The following FAM131B variants were observed in gnomAD, a reference collection of about 807,000 sequenced individuals.
FAM131B encodes family with sequence similarity 131 member B, also known as protein FAM131B.
FAM131B carries 19 observed loss-of-function variants against 42.0 expected under a neutral mutation model. That is an observed-to-expected ratio of 0.45 (90% confidence interval 0.32 to 0.66). The LOEUF (loss-of-function observed/expected upper bound fraction) is 0.66. Ranked by LOEUF, FAM131B falls within the 30% of genes least tolerant of loss-of-function variation. FAM131B has a pLI of 0.05. For missense variants in FAM131B, 370 were observed against 468.4 expected (o/e 0.79, Z 1.94); for synonymous variants, 183 against 177.6 (o/e 1.03, Z -0.24).
chr7:143,381,220 G>A, the FAM131B span: 3 of 1,004,824 alleles, frequency 3.0e-6, no homozygotes, highest in Non-Finnish European at 3.6e-6. Flanking sequence ...CGCTCTCCCC[G>A]CCCCCTCTCC....
chr7:143,382,248 A>G, the FAM131B span: 55 of 1,612,020 alleles, frequency 3.4e-5, 1 homozygote, highest in South Asian at 4.7e-4. Context: ...CCTACCCCAG[A>G]CTTTCCCCTG....
the FAM131B span, among the ~76,000 whole-genome samples, chr7:143,378,175 C>G: frequency 1.3e-5 from 2 of 152,254 alleles, no homozygotes; most frequent in African/African-American, 4.8e-5. Flanking sequence ...GAGTGAACCT[C>G]TATCCATCTG....
In FAM131B at chr7:143,359,796, A is replaced by T; in HGVS notation, c.139-29T>A. On this transcript the variant is annotated intron_variant, in intron 2 of 6. Coordinates refer to ENST00000443739, the MANE Select transcript of FAM131B (RefSeq NM_001031690.3). This position sits in a 1 kb window ranked among gnomAD's most constrained non-coding sequence, Gnocchi z 5.4. The stretch of plus-strand genomic sequence containing the variant: ...TGAGGAGAGAGGAAAGGGAATGGGC[A>T]TCCCAGTCACTCGCAGGAATGCAAG... 2 of 1,556,182 alleles carry T rather than the reference A, an allele frequency of 1.3e-6. No homozygotes were observed. Among genetic ancestry groups the T allele is most frequent in the Non-Finnish European group, 1.7e-6 (2 of 1,149,498 alleles).
upstream of FAM131B, among the ~76,000 whole-genome samples, chr7:143,365,102 A>G (rs1158144385): frequency 6.6e-6 from 1 of 152,232 alleles, no homozygotes; most frequent in Non-Finnish European, 1.5e-5. Flanking sequence ...AGGTCTATGA[A>G]AAGATTCAAT....
At chr7:143,381,068 G>A in the FAM131B span, 11 of 395,342 alleles carry the variant, frequency 2.8e-5, no homozygotes, top group Non-Finnish European at 3.1e-5. Flanking sequence ...CCTGTGCTCA[G>A]GGAGTGGGGG....
chr7:143,382,207 T>C, the FAM131B span: 3 of 1,555,890 alleles, frequency 1.9e-6, no homozygotes, highest in Admixed American at 3.4e-5. Flanking sequence ...GGGTGAGGGG[T>C]AGAGGGACCC....
At position 143,358,609 on chromosome 7, in the gene FAM131B, A is replaced by C. The variant is rs772615179; in HGVS notation, c.466+218T>G. Among the ~76,000 whole-genome samples, 10 of 152,204 alleles carry C rather than the reference A, an allele frequency of 6.6e-5. No individual in the cohort carries two copies. The highest frequency in any genetic ancestry group is 1.3e-4 in the Admixed American group (2 of 15,284). On this transcript the variant is annotated intron_variant, in intron 5 of 6. Transcript: ENST00000443739. The surrounding 1 kb of genome is among the most constrained non-coding windows in gnomAD (Gnocchi z 4.7). Reference sequence around the variant, plus strand: ...GGCATCTGGGATGGGTGGACCCACAAATCCCATCTAATTACACGCATTTTC... The same window carrying C: ...GGCATCTGGGATGGGTGGACCCACACATCCCATCTAATTACACGCATTTTC...
intron 5 of FAM131B, among the ~76,000 whole-genome samples, chr7:143,357,685 T>G (rs1454978768): frequency 6.6e-6 from 1 of 152,214 alleles, no homozygotes; most frequent in East Asian, 1.9e-4. Context: ...TAATGAGATA[T>G]TTTACATTCT....
chr7:143,378,569 G>T, the FAM131B span, among the ~76,000 whole-genome samples: 1 of 112,368 alleles, frequency 8.9e-6, no homozygotes, highest in Admixed American at 1.3e-4. Context: ...TTCATTTCCT[G>T]CATTTTTTTT....
the FAM131B span, chr7:143,381,927 G>A: frequency 1.2e-6 from 1 of 841,598 alleles, no homozygotes; most frequent in Non-Finnish European, 1.8e-6. Context: ...ACCTCATCGT[G>A]GAGCTCGTGG....
At chr7:143,375,246 T>G in the FAM131B span, among the ~76,000 whole-genome samples, 5 of 152,182 alleles carry the variant, frequency 3.3e-5, no homozygotes, top group Admixed American at 3.3e-4. Flanking sequence ...ACACAGCAAA[T>G]GCACTGTGCT....
chr7:143,380,121 A>C, the FAM131B span: 1 of 985,150 alleles, frequency 1.0e-6, no homozygotes, highest in Non-Finnish European at 1.2e-6. This position sits in a 1 kb window ranked among gnomAD's most constrained non-coding sequence, Gnocchi z 5.0. Context: ...TGACAAGAGG[A>C]GAGAAAATGA....
the FAM131B span, chr7:143,382,199 G>T: frequency 6.6e-7 from 1 of 1,506,326 alleles, no homozygotes. Context: ...GGGAGCTTGG[G>T]TGAGGGGTAG....
upstream of FAM131B, among the ~76,000 whole-genome samples, chr7:143,366,456 T>C (rs1023891736): frequency 2.0e-5 from 3 of 152,150 alleles, no homozygotes; most frequent in Non-Finnish European, 4.4e-5. Flanking sequence ...ATACCCTATT[T>C]GCTAAAGGCC....
chr7:143,365,683 C>T (rs1008074472), upstream of FAM131B, among the ~76,000 whole-genome samples: 1 of 152,178 alleles, frequency 6.6e-6, no homozygotes, highest in African/African-American at 2.4e-5. Context: ...TCACTGCAGC[C>T]TCGAGCTCCT....
chr7:143,367,787 C>A, the FAM131B span, among the ~76,000 whole-genome samples: 4 of 152,334 alleles, frequency 2.6e-5, no homozygotes, highest in East Asian at 1.9e-4. Context: ...CAGGCGCACA[C>A]CTCCATGAGC....
the FAM131B span, among the ~76,000 whole-genome samples, chr7:143,378,363 C>T: frequency 2.6e-5 from 4 of 152,122 alleles, no homozygotes; most frequent in African/African-American, 4.8e-5. Flanking sequence ...TCCTTGGAGG[C>T]GCGTGAAGAT....
the FAM131B span, among the ~76,000 whole-genome samples, chr7:143,377,032 C>T: frequency 1.4e-3 from 217 of 152,246 alleles, 1 homozygote; most frequent in East Asian, 5.8e-3. Context: ...TGCAGTGGCA[C>T]GATCTCGATC....
upstream of FAM131B, among the ~76,000 whole-genome samples, chr7:143,364,852 C>T (rs972588958): frequency 3.9e-5 from 6 of 151,968 alleles, no homozygotes; most frequent in African/African-American, 9.7e-5. Context: ...ACATACTTGG[C>T]GGGGGGGTTC....
Sources: gnomAD v4.1 joint callset for allele counts (sites outside exome capture counted in the v4.1 genomes callset) on GRCh38, gnomAD v4.1.1 for gene constraint, Gnocchi (gnomAD v3.1) non-coding constraint, MANE v1.5 for transcripts, NCBI Gene and HGNC (gene_info 2026-07-23, HGNC 2026-07-21) for gene names.